ZBTB10: variants seen among roughly 807,000 people sequenced by gnomAD.
The protein encoded by ZBTB10 is zinc finger and BTB domain-containing protein 10.
Under a neutral mutation model 76.4 loss-of-function variants are expected in ZBTB10, and 32 were observed. That is an observed-to-expected ratio of 0.42 (90% confidence interval 0.32 to 0.56). The LOEUF is 0.56. Ranked by LOEUF, ZBTB10 falls within the 20% of genes least tolerant of loss-of-function variation. The probability of loss-of-function intolerance (pLI) is 0.14; values close to 1 mark genes in which losing one functional copy is unlikely to be tolerated. For synonymous variants in ZBTB10, 523 were observed against 432.9 expected (o/e 1.21, Z -2.58); for missense variants, 1,057 against 1,098.5 (o/e 0.96, Z 0.53).
intron 1 of ZBTB10, among the ~76,000 whole-genome samples, chr8:80,488,579 T>G (rs1815543831): frequency 6.6e-6 from 1 of 152,222 alleles, no homozygotes; most frequent in South Asian, 2.1e-4. Context: ...AAGTAGTGGA[T>G]TTGGATTGGT....
Position 80,519,708 on chromosome 8 carries a change from C to CTA in ZBTB10, c.*183_*184dup. 1.7e-6 allele frequency: 1 copy of CTA among 576,410 alleles called. No individual in the cohort carries two copies. Among genetic ancestry groups the CTA allele is most frequent in the Non-Finnish European group, 3.0e-6 (1 of 332,036 alleles). 35.7% of individuals were successfully genotyped at this position (576,410 alleles called of 1,614,324 possible). Reference sequence around the variant, plus strand: ...AATTTTTTTTTATATTTGCACAGGACTATACAGCAAACAACCATGTGGTTG... The same window carrying CTA: ...AATTTTTTTTTATATTTGCACAGGACTATATACAGCAAACAACCATGTGGTTG... On this transcript the variant is annotated 3_prime_UTR_variant, in exon 6 of 6. Coordinates refer to ENST00000455036, the MANE Select transcript of ZBTB10 (RefSeq NM_001105539.3).
At chr8:80,493,633 A>G (rs1206243518) in intron 1 of ZBTB10, among the ~76,000 whole-genome samples, 2 of 150,598 alleles carry the variant, frequency 1.3e-5, no homozygotes, top group South Asian at 2.1e-4. Context: ...CCTGACCAAC[A>G]TGGAGAAACC....
intron 1 of ZBTB10, among the ~76,000 whole-genome samples, chr8:80,495,001 C>T (rs1013308656): frequency 3.3e-5 from 5 of 151,800 alleles, no homozygotes; most frequent in African/African-American, 1.2e-4. Flanking sequence ...GATAATAAAT[C>T]TCCACCTTGC....
Position 80,525,627 on chromosome 8 carries a change from A to G in ZBTB10, c.*6099A>G, listed in dbSNP as rs1035392836. On this transcript the variant is annotated 3_prime_UTR_variant, in exon 6 of 6. Transcript: ENST00000455036. ...ATGAAGCATACCCAGAGAGGTTGCT[A>G]CAGTGACTCCAGTCAGTTTTAGGAC... 6.6e-6 allele frequency: 1 copy of G among 152,192 alleles called. No individual in the cohort carries two copies. The highest frequency in any genetic ancestry group is 1.5e-5 in the Non-Finnish European group (1 of 68,018). 9.4% of individuals were successfully genotyped at this position (152,192 alleles called of 1,614,324 possible).
In ZBTB10 at chr8:80,523,317, A is replaced by G. The variant is rs1399739123; in HGVS notation, c.*3789A>G. The G allele has an allele frequency of 1.3e-5, 2 of 151,958 alleles. No individual in the cohort carries two copies. Among genetic ancestry groups the G allele is most frequent in the Non-Finnish European group, 2.9e-5 (2 of 67,886 alleles). 9.4% of individuals were successfully genotyped at this position (151,958 alleles called of 1,614,324 possible). Reference sequence around the variant, plus strand: ...CTATGGATTATATTTTTCCTATAAGACAGCTGTGTTTAGAATTTTGAGTGT... The same window carrying G: ...CTATGGATTATATTTTTCCTATAAGGCAGCTGTGTTTAGAATTTTGAGTGT... On this transcript the variant is annotated 3_prime_UTR_variant, in exon 6 of 6. Coordinates refer to ENST00000455036, the MANE Select transcript of ZBTB10 (RefSeq NM_001105539.3).
At chr8:80,494,324 C>T (rs1043241865) in intron 1 of ZBTB10, among the ~76,000 whole-genome samples, 2 of 152,176 alleles carry the variant, frequency 1.3e-5, no homozygotes, top group Non-Finnish European at 2.9e-5. Flanking sequence ...GGATTGACTA[C>T]AGGTGTGCTG....
chr8:80,486,968 C>T lies in ZBTB10; in HGVS notation c.158C>T (p.Pro53Leu). ...QPRQPPPPAP[P>L]ALQPPNGRGA... ...AGACAGCCCCCGCCGCCAGCGCCGC[C>T]CGCGCTTCAGCCGCCTAATGGGCGG... Residue 53 changes from proline to leucine, a missense_variant, in exon 1 of 6, where the codon CCC becomes CTC. Pro to Leu is a moderately conservative substitution (Grantham distance 98, BLOSUM62 -3). Around this residue, in one of 5 missense-constraint regions of ZBTB10, gnomAD observed 556 missense variants for 451.7 expected, o/e 1.23. Transcript: ENST00000455036. 2.6e-6 allele frequency: 4 copies of T among 1,513,242 alleles called. No homozygotes were observed. Among genetic ancestry groups the T allele is most frequent in the African/African-American group, 1.4e-5 (1 of 69,302 alleles). 93.7% of individuals were successfully genotyped at this position (1,513,242 alleles called of 1,614,324 possible). A position where few individuals can be genotyped will look rare whatever the true frequency, so the allele number is the denominator to read the frequency against.
chr8:80,489,946 A>G (rs78627672), intron 1 of ZBTB10, among the ~76,000 whole-genome samples: 3 of 152,136 alleles, frequency 2.0e-5, no homozygotes, highest in African/African-American at 7.2e-5. Flanking sequence ...CTTGTTATCA[A>G]CCCCCCAGGT....
At position 80,522,106 on chromosome 8, in the gene ZBTB10, G is replaced by A. The variant is rs2131524570; in HGVS notation, c.*2578G>A. On this transcript the variant is annotated 3_prime_UTR_variant, in exon 6 of 6. Coordinates refer to ENST00000455036, the MANE Select transcript of ZBTB10 (RefSeq NM_001105539.3). ...TTTTGTTTCATGATCTCGAGGGACT[G>A]CCTTTTCCCATCTAGATCTTTTAAA... 1 of 151,910 alleles carries A rather than the reference G, an allele frequency of 6.6e-6. No homozygotes were observed. The highest frequency in any genetic ancestry group is 1.5e-5 in the Non-Finnish European group (1 of 67,794). The allele number at this position is 151,910 out of a possible 1,614,324, so 9.4% of individuals were successfully genotyped here. A position where few individuals can be genotyped will look rare whatever the true frequency, so the allele number is the denominator to read the frequency against.
At position 80,521,730 on chromosome 8, in the gene ZBTB10, T is replaced by C. The variant is rs1213724546; in HGVS notation, c.*2202T>C. On this transcript the variant is annotated 3_prime_UTR_variant, in exon 6 of 6. Coordinates refer to ENST00000455036, the MANE Select transcript of ZBTB10 (RefSeq NM_001105539.3). Reference sequence around the variant, plus strand: ...GTATATCTGGTAAATTATGACCAAATTTTTGTTAGATTGCATACAGTAAAT... The same window carrying C: ...GTATATCTGGTAAATTATGACCAAACTTTTGTTAGATTGCATACAGTAAAT... 1 of 151,866 alleles carries C rather than the reference T, an allele frequency of 6.6e-6. No individual in the cohort carries two copies. The highest frequency in any genetic ancestry group is 2.1e-4 in the South Asian group (1 of 4,830). The allele number at this position is 151,866 out of a possible 1,614,324, so 9.4% of individuals were successfully genotyped here. A position where few individuals can be genotyped will look rare whatever the true frequency, so the allele number is the denominator to read the frequency against.
chr8:80,498,469 GA>G (rs1459071268), intron 1 of ZBTB10, among the ~76,000 whole-genome samples: 2 of 152,138 alleles, frequency 1.3e-5, no homozygotes. Context: ...TTTCTCTTGG[GA>G]AAGAGATGAT....
intron 1 of ZBTB10, among the ~76,000 whole-genome samples, chr8:80,493,189 C>A (rs949930946): frequency 7.4e-6 from 1 of 134,408 alleles, no homozygotes; most frequent in African/African-American, 2.9e-5. Flanking sequence ...GACTGTGCCT[C>A]AAAACGCGCG....
chr8:80,508,632 T>C (rs1816116420), intron 2 of ZBTB10, among the ~76,000 whole-genome samples: 1 of 152,146 alleles, frequency 6.6e-6, no homozygotes, highest in Non-Finnish European at 1.5e-5. Flanking sequence ...GAAAGCTTCA[T>C]AGAGAAGGCA....
rs1816513288 is a variant in ZBTB10, at chr8:80,524,572, G to A, written c.*5044G>A. ...ATTTCAAAGTTAGTAATAGAGCAAAGGAAATCAGAACTGGCCAGATATTCA... is the reference window on the plus strand; with the variant it reads ...ATTTCAAAGTTAGTAATAGAGCAAAAGAAATCAGAACTGGCCAGATATTCA... On this transcript the variant is annotated 3_prime_UTR_variant, in exon 6 of 6. Coordinates refer to ENST00000455036, the MANE Select transcript of ZBTB10 (RefSeq NM_001105539.3). The A allele has an allele frequency of 1.3e-5, 2 of 152,028 alleles. No homozygotes were observed. The highest frequency in any genetic ancestry group is 2.9e-5 in the Non-Finnish European group (2 of 67,926). The allele number at this position is 152,028 out of a possible 1,614,324, so 9.4% of individuals were successfully genotyped here. A position where few individuals can be genotyped will look rare whatever the true frequency, so the allele number is the denominator to read the frequency against.
upstream of ZBTB10, chr8:80,486,086 C>T (rs1815439574): frequency 9.9e-7 from 1 of 1,007,338 alleles, no homozygotes; most frequent in African/African-American, 1.8e-5. Flanking sequence ...AGCCCAGCCC[C>T]TTTCCCGGTC....
chr8:80,518,481 C>T lies in ZBTB10; in HGVS notation c.2039C>T (p.Ser680Leu). Residue 680 changes from serine to leucine, a missense_variant, in exon 4 of 6, where the codon TCA becomes TTA. Ser to Leu is a moderately radical substitution (Grantham distance 145). This residue lies in a region of ZBTB10 where 306 missense variants were observed against 297.5 expected (regional missense o/e 1.03). Coordinates refer to ENST00000455036, the MANE Select transcript of ZBTB10 (RefSeq NM_001105539.3). ...DFKYGLIPGT[S>L]NDFKYGLIPG... ...AAGTATGGATTGATACCAGGTACTT[C>T]AAATGATTTCAAGTATGGATTGATA... 6.4e-7 allele frequency: 1 copy of T among 1,553,080 alleles called. No individual in the cohort carries two copies. Among genetic ancestry groups the T allele is most frequent in the Admixed American group, 2.0e-5 (1 of 51,190 alleles).
chr8:80,504,191 A>T (rs1380612359), intron 2 of ZBTB10, among the ~76,000 whole-genome samples: 1 of 152,210 alleles, frequency 6.6e-6, no homozygotes, highest in African/African-American at 2.4e-5. Flanking sequence ...ATCATTAGTT[A>T]TGCTTTAATT....
In ZBTB10 at chr8:80,486,777, GGGGCACC is replaced by G. The variant is rs1232925053; in HGVS notation, c.-29_-23del. 2.6e-5 allele frequency: 35 copies of G among 1,364,052 alleles called. No individual in the cohort carries two copies. The East Asian group carries it at 1.0e-3, about 40-fold the overall frequency. 84.5% of individuals were successfully genotyped at this position (1,364,052 alleles called of 1,614,324 possible). Reference sequence around the variant, plus strand: ...CGCGGCCCGAGGCCGTGCGCGAGCCGGGGCACCGGGCGGCGGCGGCGGCGGCGCGCGC... The same window carrying G: ...CGCGGCCCGAGGCCGTGCGCGAGCCGGGGCGGCGGCGGCGGCGGCGCGCGC... On this transcript the variant is annotated 5_prime_UTR_variant, in exon 1 of 6. Transcript: ENST00000455036.
At chr8:80,504,545 T>C (rs1816003447) in intron 2 of ZBTB10, among the ~76,000 whole-genome samples, 1 of 152,104 alleles carries the variant, frequency 6.6e-6, no homozygotes, top group African/African-American at 2.4e-5. Context: ...TTTGACTCAC[T>C]ACAGAGTCAT....
Sources: gnomAD v4.1 joint callset for allele counts (sites outside exome capture counted in the v4.1 genomes callset) on GRCh38, gnomAD v4.1.1 for gene constraint, gnomAD v4.1.1 regional missense constraint, MANE v1.5 for transcripts, NCBI Gene and HGNC (gene_info 2026-07-23, HGNC 2026-07-21) for gene names.